DCC: variants seen among roughly 807,000 people sequenced by gnomAD.
DCC encodes the protein DCC netrin 1 receptor, also known as netrin receptor DCC.
In DCC, 58 loss-of-function variants were observed where a neutral mutation model predicts 172.5. The observed-to-expected ratio is 0.34, with a 90% CI of 0.27 to 0.42. The LOEUF (loss-of-function observed/expected upper bound fraction) is 0.42. DCC is among the 10% of genes least tolerant of loss of function. The probability of loss-of-function intolerance (pLI) is 1.00; values close to 1 mark genes in which losing one functional copy is unlikely to be tolerated. For missense variants in DCC, 1,740 were observed against 1,791.0 expected, an observed-to-expected ratio of 0.97 and a Z score of 0.51; for synonymous variants, 709 against 644.5, an observed-to-expected ratio of 1.10 and a Z score of -1.52.
At chr18:52,844,521 T>C (rs2038855484) in intron 2 of DCC, among the ~76,000 whole-genome samples, 1 of 152,214 alleles carries the variant, frequency 6.6e-6, no homozygotes, top group South Asian at 2.1e-4. Flanking sequence ...CCAAAGGAGT[T>C]TGCAACCATT....
chr18:53,423,540 T>A (rs1374167320), intron 21 of DCC, among the ~76,000 whole-genome samples: 41 of 152,196 alleles, frequency 2.7e-4, no homozygotes, highest in Non-Finnish European at 1.5e-5. Flanking sequence ...TGTACCATTT[T>A]CTCAGCCTTA....
intron 1 of DCC, among the ~76,000 whole-genome samples, chr18:52,354,434 C>T (rs1984268482): frequency 6.6e-6 from 1 of 152,172 alleles, no homozygotes; most frequent in African/African-American, 2.4e-5. Context: ...TTAGAAGCAA[C>T]TTAGATGGAG....
rs184640196 is a variant in DCC, at chr18:52,468,979, A to G, written c.91+128101A>G. ...TTTTGTAAACTGACAACAATAAGCT[A>G]ACTAATATATGCTGAATTTAGGCTT... is the stretch of plus-strand genomic sequence containing the variant. On this transcript the variant is annotated intron_variant, in intron 1 of 28. Transcript: ENST00000442544. Among the ~76,000 whole-genome samples, 213 of 152,296 alleles carry G rather than the reference A, an allele frequency of 1.4e-3. 1 individual carries two copies. The highest frequency in any genetic ancestry group is 5.1e-3 in the African/African-American group (210 of 41,570).
Position 53,532,482 on chromosome 18 carries a change from A to T in DCC, c.*1829A>T. 6.6e-6 allele frequency: 1 copy of T among 152,202 alleles called. No homozygotes were observed. Among genetic ancestry groups the T allele is most frequent in the East Asian group, 1.9e-4 (1 of 5,198 alleles). 9.4% of individuals were successfully genotyped at this position (152,202 alleles called of 1,614,324 possible). ...GAAGTCTTTTCTGAAGAGCTATGTG[A>T]TGTTGTTCTATGGGACAGACTACTC... is the stretch of plus-strand genomic sequence containing the variant. On this transcript the variant is annotated 3_prime_UTR_variant, in exon 29 of 29. Coordinates refer to ENST00000442544, the MANE Select transcript of DCC (RefSeq NM_005215.4).
chr18:53,312,583 C>T (rs187139384), intron 13 of DCC, among the ~76,000 whole-genome samples: 26 of 151,322 alleles, frequency 1.7e-4, no homozygotes, highest in African/African-American at 6.3e-4. Flanking sequence ...TGAATCCCAG[C>T]ATTTTGGGAG....
At chr18:52,740,982 G>C (rs1599064505) in intron 1 of DCC, among the ~76,000 whole-genome samples, 2 of 152,168 alleles carry the variant, frequency 1.3e-5, no homozygotes, top group African/African-American at 4.8e-5. Context: ...TTATTAATGA[G>C]TGAATTGATT....
chr18:52,771,601 T>A (rs2037344673), intron 2 of DCC, among the ~76,000 whole-genome samples: 1 of 152,228 alleles, frequency 6.6e-6, no homozygotes, highest in African/African-American at 2.4e-5. Flanking sequence ...GACATTGTTA[T>A]CAGAGAGGTC....
chr18:52,388,210 T>C (rs1196347964), intron 1 of DCC, among the ~76,000 whole-genome samples: 2 of 152,058 alleles, frequency 1.3e-5, no homozygotes, highest in East Asian at 1.9e-4. Context: ...ATTTTTTTTT[T>C]CTGCTAATTG....
intron 1 of DCC, among the ~76,000 whole-genome samples, chr18:52,655,311 G>A (rs1277178839): frequency 6.6e-6 from 1 of 152,094 alleles, no homozygotes; most frequent in Non-Finnish European, 1.5e-5. Context: ...AAGAGAAGGT[G>A]AAACCTTTCT....
intron 8 of DCC, among the ~76,000 whole-genome samples, chr18:53,168,186 C>T (rs997755304): frequency 6.6e-6 from 1 of 152,082 alleles, no homozygotes; most frequent in Non-Finnish European, 1.5e-5. Flanking sequence ...ACCAGAAATA[C>T]CATTTGACCC....
intron 1 of DCC, among the ~76,000 whole-genome samples, chr18:52,436,467 CT>C (rs1254331818): frequency 2.0e-5 from 3 of 152,244 alleles, no homozygotes; most frequent in African/African-American, 4.8e-5. Context: ...TTAGCATCAC[CT>C]GGAAAGCTTG....
intron 1 of DCC, among the ~76,000 whole-genome samples, chr18:52,463,436 T>A (rs1299109785): frequency 6.6e-6 from 1 of 152,170 alleles, no homozygotes; most frequent in East Asian, 1.9e-4. Flanking sequence ...ATAGCCACAA[T>A]AATTGTATGT....
chr18:52,349,107 G>A (rs1984005765), intron 1 of DCC, among the ~76,000 whole-genome samples: 1 of 152,216 alleles, frequency 6.6e-6, no homozygotes, highest in Non-Finnish European at 1.5e-5. Flanking sequence ...AAAATACATA[G>A]GCCCAATATC....
chr18:52,728,333 A>C (rs1350421877), intron 1 of DCC, among the ~76,000 whole-genome samples: 2 of 152,192 alleles, frequency 1.3e-5, no homozygotes, highest in Non-Finnish European at 2.9e-5. Context: ...TTTCAGAGGC[A>C]GCTCAAGGGT....
chr18:52,772,095 G>A (rs1266504987), intron 2 of DCC, among the ~76,000 whole-genome samples: 1 of 151,948 alleles, frequency 6.6e-6, no homozygotes, highest in Non-Finnish European at 1.5e-5. Flanking sequence ...TTACTTACTA[G>A]AGTTGAATCA....
At chr18:52,700,000 G>A (rs929051771) in intron 1 of DCC, among the ~76,000 whole-genome samples, 5 of 151,006 alleles carry the variant, frequency 3.3e-5, no homozygotes, top group African/African-American at 1.2e-4. Context: ...TGTAAATTAA[G>A]AGTAGAGCAA....
At chr18:52,831,562 CAG>C (rs2038614083) in intron 2 of DCC, among the ~76,000 whole-genome samples, 2 of 151,988 alleles carry the variant, frequency 1.3e-5, no homozygotes, top group African/African-American at 4.8e-5. Context: ...CTGAATCAAA[CAG>C]AATTTGATGA....
intron 13 of DCC, among the ~76,000 whole-genome samples, chr18:53,314,429 C>A (rs1398749776): frequency 6.6e-6 from 1 of 152,164 alleles, no homozygotes; most frequent in African/African-American, 2.4e-5. Context: ...TGCAGTCTAT[C>A]TGTAAGTGAT....
At chr18:53,449,246 T>A (rs1489866822) in intron 22 of DCC, among the ~76,000 whole-genome samples, 2 of 152,246 alleles carry the variant, frequency 1.3e-5, no homozygotes, top group African/African-American at 4.8e-5. Flanking sequence ...TTTTAAGAAA[T>A]GTGTAACTTG....
Sources: allele counts gnomAD v4.1 joint callset (sites outside exome capture counted in the v4.1 genomes callset), GRCh38; gene constraint gnomAD v4.1.1; transcripts MANE v1.5; gene names NCBI Gene and HGNC (gene_info 2026-07-23, HGNC 2026-07-21).